The following ANK3 variants were observed in gnomAD, a reference collection of about 807,000 sequenced individuals.
ANK3 encodes ankyrin 3.
ANK3 carries 57 observed loss-of-function variants against 370.9 expected under a neutral mutation model. That is an observed-to-expected ratio of 0.15 (90% CI 0.12 to 0.19). The LOEUF is 0.19. Ranked by LOEUF, ANK3 falls within the 10% of genes least tolerant of loss-of-function variation. The pLI, the probability that ANK3 is intolerant of heterozygous loss-of-function variation, is 1.00. For missense variants in ANK3, 4,439 were observed against 5,302.1 expected, an observed-to-expected ratio of 0.84 and a Z score of 5.06; for synonymous variants, 1,929 against 1,946.3, an observed-to-expected ratio of 0.99 and a Z score of 0.23.
In ANK3 at chr10:60,333,642, AG is replaced by A. The variant is rs367641352; in HGVS notation, c.115-54004del. 2.0e-3 allele frequency among the ~76,000 whole-genome samples: 302 copies of A among 152,298 alleles called. 2 individuals are homozygous for A. The highest frequency in any genetic ancestry group is 0.017 in the Middle Eastern group (5 of 294). The stretch of plus-strand genomic sequence containing the variant: ...CATGTGCCTTTACAGAATGATTTAT[AG>A]TCCTTTGGGTATACACCCAGTAATG... On this transcript the variant is annotated intron_variant, in intron 1 of 43. Transcript: ENST00000280772.
intron 2 of ANK3, among the ~76,000 whole-genome samples, chr10:60,523,576 A>C (rs1036526291): frequency 4.6e-5 from 7 of 151,684 alleles, no homozygotes; most frequent in Non-Finnish European, 5.9e-5. Flanking sequence ...TGAACTCATC[A>C]TTTTTTATGG....
intron 18 of ANK3, among the ~76,000 whole-genome samples, chr10:60,174,609 T>C (rs2095876432): frequency 6.6e-6 from 1 of 152,212 alleles, no homozygotes; most frequent in Admixed American, 6.5e-5. Flanking sequence ...GTGGACCCAA[T>C]ATTTTTTAAA....
intron 18 of ANK3, among the ~76,000 whole-genome samples, chr10:60,174,836 A>T (rs945139166): frequency 6.6e-6 from 1 of 151,962 alleles, no homozygotes; most frequent in Admixed American, 6.6e-5. Context: ...CCTGGGCTCA[A>T]TCTATCTCAA....
intron 2 of ANK3, among the ~76,000 whole-genome samples, chr10:60,407,402 A>G (rs1336662883): frequency 1.3e-5 from 2 of 152,242 alleles, no homozygotes; most frequent in East Asian, 3.8e-4. Context: ...CAAATTATCC[A>G]ACCATTTCTC....
intron 2 of ANK3, among the ~76,000 whole-genome samples, chr10:60,474,929 G>C (rs947958080): frequency 5.9e-5 from 9 of 151,948 alleles, no homozygotes; most frequent in Non-Finnish European, 1.2e-4. Context: ...AATTTTTTCT[G>C]CAACATTTTT....
chr10:60,197,834 G>A (rs1439159039), intron 14 of ANK3, among the ~76,000 whole-genome samples: 1 of 152,054 alleles, frequency 6.6e-6, no homozygotes, highest in Non-Finnish European at 1.5e-5. Context: ...TTATGTTAGG[G>A]TATTACTCTA....
At chr10:60,142,331 C>G (rs10994219) in intron 23 of ANK3, among the ~76,000 whole-genome samples, 1 of 152,096 alleles carries the variant, frequency 6.6e-6, no homozygotes, top group Non-Finnish European at 1.5e-5. Flanking sequence ...TAGAAGCCGT[C>G]GCACCCTCTA....
At chr10:60,611,022 A>T (rs190679228) in intron 2 of ANK3, among the ~76,000 whole-genome samples, 104 of 152,334 alleles carry the variant, frequency 6.8e-4, no homozygotes, top group African/African-American at 2.5e-3. Context: ...AGTTAACTAA[A>T]GTGATCATTC....
chr10:60,201,844 T>C (rs912752159), intron 12 of ANK3, among the ~76,000 whole-genome samples: 1 of 151,956 alleles, frequency 6.6e-6, no homozygotes, highest in African/African-American at 2.4e-5. Flanking sequence ...CCTGAGTAGT[T>C]GGAATTACAT....
At chr10:60,602,442 C>T (rs562506652) in intron 2 of ANK3, among the ~76,000 whole-genome samples, 1 of 152,144 alleles carries the variant, frequency 6.6e-6, no homozygotes, top group Non-Finnish European at 1.5e-5. Context: ...CGCTAATATG[C>T]ACGCTTAATA....
At chr10:60,648,180 T>G (rs1588969345) in intron 1 of ANK3, among the ~76,000 whole-genome samples, 1 of 91,558 alleles carries the variant, frequency 1.1e-5, no homozygotes. Flanking sequence ...TGAGATGGAG[T>G]CTCGCACTGT....
At chr10:60,730,078 A>G (rs1267095128) in intron 1 of ANK3, among the ~76,000 whole-genome samples, 1 of 152,214 alleles carries the variant, frequency 6.6e-6, no homozygotes, top group East Asian at 1.9e-4. Context: ...AAATGTTACC[A>G]CATTTTTTAG....
At chr10:60,234,924 C>T in intron 7 of ANK3, 138 bp from the exon 8 acceptor site, 2 of 567,402 alleles carry the variant, frequency 3.5e-6, no homozygotes, top group South Asian at 2.4e-5. Flanking sequence ...CTTCCTAATA[C>T]TTCTGACAGG....
intron 35 of ANK3, chr10:60,081,758 T>C: frequency 3.5e-6 from 1 of 282,742 alleles, no homozygotes; most frequent in Non-Finnish European, 7.0e-6. Flanking sequence ...TCGAAGGTAG[T>C]GCGTTATCTC....
intron 41 of ANK3, among the ~76,000 whole-genome samples, chr10:60,056,726 T>TA (rs1218577966): frequency 6.6e-6 from 1 of 151,944 alleles, no homozygotes; most frequent in Non-Finnish European, 1.5e-5. Flanking sequence ...CTATCACCAG[T>TA]AAAAAATAAA....
chr10:60,597,327 C>T (rs768762397), intron 2 of ANK3, among the ~76,000 whole-genome samples: 5 of 152,190 alleles, frequency 3.3e-5, no homozygotes, highest in Middle Eastern at 3.4e-3. Flanking sequence ...AACAGACTGC[C>T]GAGATATCAT....
In ANK3 at chr10:60,085,147, A is replaced by C. The variant is rs2086345705; in HGVS notation, c.3845+10T>G. ...TCCTTACTGCTTTTTGGAATCCTTT[A>C]TTTCCATACCTGGCTGAAACATTGG... On this transcript the variant is annotated intron_variant, in intron 31 of 43. Coordinates refer to ENST00000280772, the MANE Select transcript of ANK3 (RefSeq NM_020987.5). 6.2e-7 allele frequency: 1 copy of C among 1,603,036 alleles called. No homozygotes were observed. The highest frequency in any genetic ancestry group is 1.7e-5 in the Admixed American group (1 of 58,282).
chr10:60,177,667 G>A lies in ANK3; in HGVS notation c.2184+3662C>T, dbSNP rs190993953. ...GGCTGGAGTGCAGTGGTGCGACCTC[G>A]GCTCACTGCGAGCTCTGCTTCCTGG... On this transcript the variant is annotated intron_variant, in intron 18 of 43. Transcript: ENST00000280772. 5.3e-3 allele frequency among the ~76,000 whole-genome samples: 774 copies of A among 147,092 alleles called. 5 individuals are homozygous for A. Among genetic ancestry groups the A allele is most frequent in the Non-Finnish European group, 8.6e-3 (580 of 67,318 alleles).
intron 4 of ANK3, among the ~76,000 whole-genome samples, chr10:60,274,758 C>T (rs2098059919): frequency 2.6e-5 from 4 of 152,148 alleles, no homozygotes; most frequent in Admixed American, 2.6e-4. Context: ...TAACTAATTC[C>T]AATAAATTCC....
Sources: allele counts gnomAD v4.1 joint callset (sites outside exome capture counted in the v4.1 genomes callset), GRCh38; gene constraint gnomAD v4.1.1; transcripts MANE v1.5; gene names NCBI Gene and HGNC (gene_info 2026-07-23, HGNC 2026-07-21).